SCML2: variants seen among roughly 807,000 people sequenced by gnomAD.
SCML2 encodes Scm polycomb group protein like 2, also known as sex comb on midleg-like protein 2.
A neutral mutation model predicts 48.4 loss-of-function variants in SCML2; 6 were observed. That is an observed-to-expected ratio of 0.12 (90% CI 0.07 to 0.24). The LOEUF (loss-of-function observed/expected upper bound fraction) is 0.24. Among genes scored for constraint, SCML2 ranks in the 10% least tolerant of loss-of-function variants. The pLI is 1.00. For synonymous variants in SCML2, 181 were observed against 189.5 expected, an observed-to-expected ratio of 0.95 and a Z score of 0.37; for missense variants, 377 against 528.2, an observed-to-expected ratio of 0.71 and a Z score of 2.81.
chrX:18,330,561 C>T (rs1234082242), intron 3 of SCML2, 26 bp downstream of exon 3: 4 of 950,491 alleles, frequency 4.2e-6, no homozygotes, highest in Middle Eastern at 2.7e-4. Flanking sequence ...GAAAACTATG[C>T]TGTATTAAAT....
chrX:18,258,649 T>C (rs1602083621), intron 9 of SCML2, among the ~76,000 whole-genome samples: 2 of 111,369 alleles, frequency 1.8e-5, no homozygotes, highest in East Asian at 5.6e-4. Flanking sequence ...ACGGGTCATC[T>C]TGCTATGCTC....
chrX:18,327,521 A>G (rs1224587154), intron 3 of SCML2, among the ~76,000 whole-genome samples: 6 of 112,331 alleles, frequency 5.3e-5, no homozygotes, highest in Non-Finnish European at 1.1e-4. Flanking sequence ...TCCATAAACC[A>G]ATGACATTTG....
chrX:18,319,581 G>A (rs1301241136), intron 6 of SCML2, among the ~76,000 whole-genome samples: 1 of 95,898 alleles, frequency 1.0e-5, no homozygotes, highest in East Asian at 3.3e-4. Context: ...TGGGTGACAG[G>A]TGAGACTCTG....
chrX:18,269,485 T>C (rs1402815352), intron 7 of SCML2, among the ~76,000 whole-genome samples: 1 of 112,097 alleles, frequency 8.9e-6, no homozygotes, highest in Non-Finnish European at 1.9e-5. Context: ...TGTGAGTCAA[T>C]TAAACCTCCT....
At chrX:18,346,976 G>C (rs190058951) in intron 1 of SCML2, among the ~76,000 whole-genome samples, 1 of 111,601 alleles carries the variant, frequency 9.0e-6, no homozygotes, top group East Asian at 2.8e-4. Flanking sequence ...TTGTGGAATT[G>C]AACATGAGTC....
chrX:18,305,762 T>TA (rs1371129846), intron 6 of SCML2, among the ~76,000 whole-genome samples: 41 of 97,259 alleles, frequency 4.2e-4, no homozygotes, highest in East Asian at 1.6e-3. Context: ...ACTTAAAATT[T>TA]AAAAAAAAAA....
chrX:18,253,051 T>A (rs1015063764), intron 11 of SCML2, among the ~76,000 whole-genome samples: 1 of 111,454 alleles, frequency 9.0e-6, no homozygotes, highest in African/African-American at 3.3e-5. Context: ...TGCAAAGTTG[T>A]GATAATACAT....
chrX:18,269,372 C>T (rs1471334400), intron 7 of SCML2, among the ~76,000 whole-genome samples: 1 of 111,504 alleles, frequency 9.0e-6, no homozygotes, highest in Admixed American at 9.6e-5. Context: ...CCACTTCGCT[C>T]GGAACCTCTC....
chrX:18,334,439 A>C lies in SCML2; in HGVS notation c.-24-344T>G, dbSNP rs578168158. ...TATGCAAATTTTGACTCAATTTTTA[A>C]AATTAATTGAGTAAAAAAGAACAGT... On this transcript the variant is annotated intron_variant, in intron 1 of 14. Transcript: ENST00000251900. Among the ~76,000 whole-genome samples the C allele has an allele frequency of 4.5e-5, 5 of 111,844 alleles. No individual in the cohort carries two copies. The South Asian group carries it at 1.9e-3, about 42-fold the overall frequency.
intron 6 of SCML2, among the ~76,000 whole-genome samples, chrX:18,316,311 C>T (rs1452744670): frequency 8.9e-6 from 1 of 111,872 alleles, no homozygotes; most frequent in African/African-American, 3.3e-5. Context: ...ATCAGTTGAA[C>T]CCGGGAGGCG....
chrX:18,336,880 A>G, intron 1 of SCML2, among the ~76,000 whole-genome samples: 1 of 112,434 alleles, frequency 8.9e-6, no homozygotes, highest in South Asian at 3.7e-4. Context: ...TATGCTTACA[A>G]AGGAGAAAAA....
At chrX:18,265,535 T>C (rs1250894277) in intron 8 of SCML2, 50 bp downstream of exon 8, 2 of 940,396 alleles carry the variant, frequency 2.1e-6, no homozygotes, top group Admixed American at 5.1e-5. Flanking sequence ...TTATAAATAA[T>C]AAGGCACTAT....
intron 11 of SCML2, among the ~76,000 whole-genome samples, chrX:18,248,610 G>A (rs1236419846): frequency 1.8e-5 from 2 of 112,017 alleles, no homozygotes; most frequent in African/African-American, 3.2e-5. Context: ...CTTATGATGA[G>A]CAACCTTTAG....
At chrX:18,258,280 T>C (rs1248881384) in intron 9 of SCML2, 33 bp from the exon 10 acceptor site, 4 of 1,093,702 alleles carry the variant, frequency 3.7e-6, no homozygotes, top group Non-Finnish European at 5.0e-6. Flanking sequence ...TACATAACAA[T>C]GAGACTGATT....
Position 18,256,989 on chromosome X carries a change from C to T in SCML2, c.1315G>A (p.Val439Met). Residue 439 changes from valine to methionine, a missense_variant, in exon 11 of 15, where the codon GTG becomes ATG. This residue lies in a region of SCML2 where 299 missense variants were observed against 425.5 expected (regional missense o/e 0.70). Coordinates refer to ENST00000251900, the MANE Select transcript of SCML2 (RefSeq NM_006089.3). ...CGAAGAGCAAATGATGCACTGTTCA[C>T]TGGAGGGAGCTGGATGGAATGAGTT... ...GETHSIQLPP[V>M]NSASFALRFL... 8.3e-7 allele frequency: 1 copy of T among 1,198,667 alleles called. No homozygotes were observed. Among genetic ancestry groups the T allele is most frequent in the Admixed American group, 2.3e-5 (1 of 44,062 alleles).
At chrX:18,264,327 T>C (rs1927179379) in intron 8 of SCML2, among the ~76,000 whole-genome samples, 1 of 111,224 alleles carries the variant, frequency 9.0e-6, no homozygotes, top group Non-Finnish European at 1.9e-5. Flanking sequence ...TTTTGTCCAG[T>C]GAATCTTTTA....
intron 1 of SCML2, chrX:18,341,238 G>T: frequency 1.5e-6 from 1 of 684,533 alleles, no homozygotes. Context: ...CCAGACATAG[G>T]GGAAATCGCC....
At chrX:18,304,408 G>T (rs918645968) in intron 7 of SCML2, among the ~76,000 whole-genome samples, 3 of 111,445 alleles carry the variant, frequency 2.7e-5, no homozygotes, top group African/African-American at 9.8e-5. Context: ...CTCAGCTTAG[G>T]AAACACCGTT....
At chrX:18,311,712 ACT>A (rs1324092905) in intron 6 of SCML2, among the ~76,000 whole-genome samples, 1 of 112,310 alleles carries the variant, frequency 8.9e-6, no homozygotes, top group Non-Finnish European at 1.9e-5. Flanking sequence ...TCTGGCTTTT[ACT>A]CTGAGTAAAA....
Sources: gnomAD v4.1 joint callset for allele counts (sites outside exome capture counted in the v4.1 genomes callset) on GRCh38, gnomAD v4.1.1 for gene constraint, gnomAD v4.1.1 regional missense constraint, MANE v1.5 for transcripts, NCBI Gene and HGNC (gene_info 2026-07-23, HGNC 2026-07-21) for gene names.